SIN3B: variants seen among roughly 807,000 people sequenced by gnomAD.
SIN3B encodes the protein SIN3 transcription regulator family member B, also known as paired amphipathic helix protein Sin3b.
SIN3B carries 19 observed loss-of-function variants against 120.2 expected under a neutral mutation model. That is an observed-to-expected ratio of 0.16 (90% CI 0.11 to 0.23). The LOEUF (loss-of-function observed/expected upper bound fraction) is 0.23. SIN3B is among the 10% of genes least tolerant of loss of function. SIN3B has a pLI of 1.00. For synonymous variants in SIN3B, 654 were observed against 653.2 expected, an observed-to-expected ratio of 1.00 and a Z score of -0.02; for missense variants, 1,073 against 1,573.0, an observed-to-expected ratio of 0.68 and a Z score of 5.38.
intron 4 of SIN3B, among the ~76,000 whole-genome samples, chr19:16,843,660 G>C (rs1205169345): frequency 1.3e-5 from 2 of 152,200 alleles, no homozygotes; most frequent in African/African-American, 4.8e-5. Context: ...AAAGACACTA[G>C]AGATGAATTT....
intron 6 of SIN3B, 143 bp from the exon 7 acceptor site, chr19:16,852,926 C>T (rs1229969684): frequency 3.3e-6 from 2 of 599,658 alleles, no homozygotes; most frequent in East Asian, 3.1e-5. Flanking sequence ...AACTGAGCGG[C>T]TCCTGCCTGT....
Position 16,878,362 on chromosome 19 carries a change from G to A in SIN3B, c.3134G>A (p.Arg1045His), listed in dbSNP as rs375962555. 41 of 1,612,226 alleles carry A rather than the reference G, an allele frequency of 2.5e-5. No individual in the cohort carries two copies. The highest frequency in any genetic ancestry group is 6.7e-5 in the Admixed American group (4 of 59,940). The change falls in exon 18 of 19, where the codon CGT becomes CAT. Residue 1045 changes from arginine (R) to histidine (H), a missense_variant. Transcript: ENST00000248054. Reference sequence around the variant, plus strand: ...GTGAACTCCGAGGACTACATGTACCGTCGCGGGACCCTCTGCCGGGCCAAG... The same window carrying A: ...GTGAACTCCGAGGACTACATGTACCATCGCGGGACCCTCTGCCGGGCCAAG... ...FIVNSEDYMYRRGTLCRAKQV... is the reference protein window; with the variant it reads ...FIVNSEDYMYHRGTLCRAKQV...
chr19:16,831,608 G>A lies in SIN3B; in HGVS notation c.342G>A (p.Lys114=). ...LPLGYRIDIP[K]NGKLNIQSPL... ...TCGGATATAGAATAGACATTCCCAA[G>A]AATGGCAAGTTAAACATACAGTCGC... The change falls in exon 3 of 19, where the codon AAG becomes AAA. Residue 114 remains lysine, a synonymous_variant. Transcript: ENST00000248054. 6.2e-7 allele frequency: 1 copy of A among 1,614,044 alleles called. No homozygotes were observed. Among genetic ancestry groups the A allele is most frequent in the Non-Finnish European group, 8.5e-7 (1 of 1,179,962 alleles).
Position 16,829,441 on chromosome 19 carries a change from C to T in SIN3B, c.21C>T (p.Gly7=), listed in dbSNP as rs575248488. Residue 7 remains glycine (G), a synonymous_variant, in exon 1 of 19, where the codon GGC becomes GGT. Coordinates refer to ENST00000248054, the MANE Select transcript of SIN3B (RefSeq NM_001297595.2). ...CGGACATGGCGCACGCTGGCGGTGG[C>T]AGCGGTGGCAGCGGTGCCGGCGGCC... The part of the protein sequence containing the change: MAHAGG[G]SGGSGAGGPA... 262 of 1,210,760 alleles carry T rather than the reference C, an allele frequency of 2.2e-4. 3 individuals carry two copies. In the East Asian group the frequency reaches 8.3e-3, roughly 38 times the overall value. The allele number at this position is 1,210,760 out of a possible 1,614,324, so 75.0% of individuals were successfully genotyped here. A position where few individuals can be genotyped will look rare whatever the true frequency, so the allele number is the denominator to read the frequency against.
intron 1 of SIN3B, 24 bp from the exon 2 acceptor site, chr19:16,829,767 C>T: frequency 6.3e-7 from 1 of 1,585,750 alleles, no homozygotes. Context: ...CCAGGGCCCA[C>T]CGGGACCCTC....
rs1481776476 is a variant in SIN3B at position 16,849,908 on chromosome 19, A to C, written c.727-1504A>C. On this transcript the variant is annotated intron_variant, in intron 5 of 18. Transcript: ENST00000248054. Reference sequence around the variant, plus strand: ...GAGACGGAGGTTGCACTGAGCTGAGATCGCACCATTGCGCTCCAGCCTGGG... The same window carrying C: ...GAGACGGAGGTTGCACTGAGCTGAGCTCGCACCATTGCGCTCCAGCCTGGG... 2.0e-5 allele frequency among the ~76,000 whole-genome samples: 3 copies of C among 151,106 alleles called. No individual in the cohort carries two copies. The Admixed American group carries it at 2.0e-4, about 10-fold the overall frequency.
At chr19:16,872,567 C>T (rs1397331198) in intron 14 of SIN3B, 3 of 152,158 alleles carry the variant, frequency 2.0e-5, no homozygotes, top group Non-Finnish European at 4.4e-5. Context: ...CCTCAGCCTC[C>T]TGAGTAGCTG....
At chr19:16,874,195 C>A (rs1447723427) in intron 14 of SIN3B, among the ~76,000 whole-genome samples, 1 of 152,284 alleles carries the variant, frequency 6.6e-6, no homozygotes, top group African/African-American at 2.4e-5. Flanking sequence ...CCACCTTCAG[C>A]TCATTCCTGG....
Position 16,875,802 on chromosome 19 carries a change from G to A in SIN3B, c.2593-253G>A, listed in dbSNP as rs1599618168. 7.5e-6 allele frequency: 4 copies of A among 535,680 alleles called. No individual in the cohort carries two copies. The East Asian group carries it at 1.3e-4, about 17-fold the overall frequency. The allele number at this position is 535,680 out of a possible 1,614,324, so 33.2% of individuals were successfully genotyped here. ...GTCTGGTCTGGTCTGGTCTGGTCTG[G>A]TCTGTTTGGTCTGGTCTGGTCTGTT... On this transcript the variant is annotated intron_variant, in intron 14 of 18. Transcript: ENST00000248054.
At chr19:16,839,243 C>T (rs932187521) in intron 3 of SIN3B, among the ~76,000 whole-genome samples, 3 of 152,216 alleles carry the variant, frequency 2.0e-5, no homozygotes, top group African/African-American at 7.2e-5. Flanking sequence ...GCTAGAATTA[C>T]AGGTGTGAGC....
At chr19:16,866,332 C>A in intron 11 of SIN3B, 41 bp from the exon 12 acceptor site, 1 of 1,573,630 alleles carries the variant, frequency 6.4e-7, no homozygotes, top group Non-Finnish European at 8.6e-7. Flanking sequence ...AGGGAGGATG[C>A]CCTGGCTTGT....
In SIN3B at chr19:16,870,038, C is replaced by T. The variant is rs1271010032; in HGVS notation, c.2385C>T (p.Gly795=). 9 of 1,608,612 alleles carry T rather than the reference C, an allele frequency of 5.6e-6. No individual in the cohort carries two copies. Among genetic ancestry groups the T allele is most frequent in the Admixed American group, 1.7e-5 (1 of 59,780 alleles). The change falls in exon 13 of 19, where the codon GGC becomes GGT. Residue 795 remains glycine (G), a synonymous_variant. Transcript: ENST00000248054. The part of the protein sequence containing the change: ...KLLCEGRREK[G]SDPAMELRLK... ...TGTGTGAGGGCCGCAGGGAGAAGGG[C>T]AGCGACCCCGCCATGGAGCTGCGGC... is the stretch of plus-strand genomic sequence containing the variant.
chr19:16,876,272 C>T lies in SIN3B; in HGVS notation c.2766+44C>T, dbSNP rs752060745. On this transcript the variant is annotated intron_variant, in intron 15 of 18. Transcript: ENST00000248054. The surrounding 1 kb of genome is among the most constrained non-coding windows in gnomAD (Gnocchi z 7.1). ...CTGGGAACACGCCGGGAGGCCCGGCCGCTCACTCCGCTCTGGACTCAGTCC... is the reference window on the plus strand; with the variant it reads ...CTGGGAACACGCCGGGAGGCCCGGCTGCTCACTCCGCTCTGGACTCAGTCC... 32 of 1,574,136 alleles carry T rather than the reference C, an allele frequency of 2.0e-5. No homozygotes were observed. Among genetic ancestry groups the T allele is most frequent in the South Asian group, 6.9e-5 (6 of 86,390 alleles).
chr19:16,871,328 G>A lies in SIN3B; in HGVS notation c.2522G>A (p.Arg841His), dbSNP rs1440144163. 3.1e-6 allele frequency: 5 copies of A among 1,613,998 alleles called. No homozygotes were observed. Among genetic ancestry groups the A allele is most frequent in the Admixed American group, 1.7e-5 (1 of 60,020 alleles). ...IDPTQYEDTL[R>H]EMFTIHAYVG... ...CCCACGCAGTACGAGGACACCCTAC[G>A]CGAGATGTTCACCATCCATGCCTAC... The change falls in exon 14 of 19, where the codon CGC becomes CAC. Residue 841 changes from arginine to histidine, a missense_variant. Coordinates refer to ENST00000248054, the MANE Select transcript of SIN3B (RefSeq NM_001297595.2).
chr19:16,865,308 C>CA lies in SIN3B; in HGVS notation c.1384-102_1384-101insA, dbSNP rs1228754669. 15 of 536,232 alleles carry CA rather than the reference C, an allele frequency of 2.8e-5. 2 individuals carry two copies. The highest frequency in any genetic ancestry group is 2.3e-4 in the African/African-American group (11 of 48,260). The allele number at this position is 536,232 out of a possible 1,614,324, so 33.2% of individuals were successfully genotyped here. ...GACCCTATCTCTTAAATACACACAC[C>CA]CCCCCCCCAAAAAAATCCTCTGGTC... On this transcript the variant is annotated intron_variant, in intron 10 of 18. Transcript: ENST00000248054.
chr19:16,857,821 C>G (rs1971636899), intron 8 of SIN3B, among the ~76,000 whole-genome samples: 1 of 152,192 alleles, frequency 6.6e-6, no homozygotes, highest in Admixed American at 6.5e-5. Flanking sequence ...CTCAGTCTCA[C>G]CCCCATCTGG....
chr19:16,853,762 G>C (rs575594446), intron 7 of SIN3B, among the ~76,000 whole-genome samples: 4 of 150,476 alleles, frequency 2.7e-5, no homozygotes, highest in African/African-American at 7.4e-5. Context: ...GCATGGACGC[G>C]TGCAGGGGCT....
intron 5 of SIN3B, 35 bp from the exon 6 acceptor site, chr19:16,851,377 C>G (rs1160807783): frequency 1.3e-6 from 2 of 1,550,196 alleles, no homozygotes; most frequent in Admixed American, 3.7e-5. Context: ...CCAGCCACGT[C>G]TCCGGTGCTG....
intron 3 of SIN3B, among the ~76,000 whole-genome samples, chr19:16,837,874 TGGG>T (rs1158669514): frequency 6.6e-6 from 1 of 151,950 alleles, no homozygotes; most frequent in Non-Finnish European, 1.5e-5. Context: ...CCAGGGCAGT[TGGG>T]GGGCTGCTAT....
Sources: allele counts gnomAD v4.1 joint callset (sites outside exome capture counted in the v4.1 genomes callset), GRCh38; gene constraint gnomAD v4.1.1; non-coding constraint Gnocchi (gnomAD v3.1); transcripts MANE v1.5; gene names NCBI Gene and HGNC (gene_info 2026-07-23, HGNC 2026-07-21).